GALNTL6: variants seen among roughly 807,000 people sequenced by gnomAD.
The protein encoded by GALNTL6 is polypeptide N-acetylgalactosaminyltransferase-like 6.
In GALNTL6, 46 loss-of-function variants were observed where a neutral mutation model predicts 73.7. The ratio of observed to expected loss-of-function variants is 0.62; its 90% CI spans 0.49 to 0.80. GALNTL6 has a LOEUF of 0.80. Ranked by LOEUF, GALNTL6 falls within the 30% of genes least tolerant of loss-of-function variation. The probability of loss-of-function intolerance (pLI) is 0.00; values close to 1 mark genes in which losing one functional copy is unlikely to be tolerated. For synonymous variants in GALNTL6, 259 were observed against 263.7 expected (o/e 0.98, Z 0.17); for missense variants, 604 against 755.0 (o/e 0.80, Z 2.34).
chr4:173,036,223 T>C (rs1349426982), intron 12 of GALNTL6, among the ~76,000 whole-genome samples: 1 of 151,868 alleles, frequency 6.6e-6, no homozygotes, highest in Non-Finnish European at 1.5e-5. Context: ...TGGAATCACC[T>C]TCCTATATAT....
chr4:172,356,127 A>C (rs1742146186), intron 5 of GALNTL6, among the ~76,000 whole-genome samples: 1 of 152,158 alleles, frequency 6.6e-6, no homozygotes, highest in African/African-American at 2.4e-5. Context: ...GTTACAGCTC[A>C]CCAACGTCAC....
chr4:172,312,472 G>A (rs917751995), intron 4 of GALNTL6, among the ~76,000 whole-genome samples: 1 of 152,108 alleles, frequency 6.6e-6, no homozygotes, highest in East Asian at 1.9e-4. Flanking sequence ...CTGAGAACAT[G>A]GAATGTGATA....
intron 12 of GALNTL6, among the ~76,000 whole-genome samples, chr4:173,032,213 G>C (rs921634975): frequency 2.6e-5 from 4 of 152,214 alleles, no homozygotes; most frequent in African/African-American, 7.2e-5. Context: ...ACTTTGGGAG[G>C]CCGAGGCGGG....
chr4:172,005,034 C>T (rs1327386434), intron 2 of GALNTL6, among the ~76,000 whole-genome samples: 1 of 152,034 alleles, frequency 6.6e-6, no homozygotes, highest in Non-Finnish European at 1.5e-5. Context: ...ACGTGATATG[C>T]CAACCACAAA....
intron 2 of GALNTL6, among the ~76,000 whole-genome samples, chr4:172,091,357 T>C (rs1732197920): frequency 6.6e-6 from 1 of 152,184 alleles, no homozygotes; most frequent in Admixed American, 6.5e-5. Flanking sequence ...AGAATTTGAC[T>C]TGCTCTCAAA....
At chr4:172,202,922 CTTGAGAGGAAAACAATTGAAAAAAA>C (rs1425018179) in intron 2 of GALNTL6, among the ~76,000 whole-genome samples, 3 of 151,524 alleles carry the variant, frequency 2.0e-5, no homozygotes, top group African/African-American at 7.3e-5. Context: ...CAAAATTAGG[CTTGAGAGGAAAACAATTGAAAAAAA>C]TTGAGAGGAA....
chr4:172,450,755 A>G (rs1285398961), intron 5 of GALNTL6, among the ~76,000 whole-genome samples: 1 of 152,192 alleles, frequency 6.6e-6, no homozygotes, highest in Non-Finnish European at 1.5e-5. Context: ...GAGATTTAAC[A>G]CTTGCAGATT....
chr4:172,445,022 A>C (rs1731970862), intron 5 of GALNTL6, among the ~76,000 whole-genome samples: 1 of 152,194 alleles, frequency 6.6e-6, no homozygotes, highest in African/African-American at 2.4e-5. Flanking sequence ...GGGAAAAGCC[A>C]ACAAGTTGAT....
chr4:172,917,334 A>G (rs534677486), intron 8 of GALNTL6, among the ~76,000 whole-genome samples: 18 of 152,340 alleles, frequency 1.2e-4, no homozygotes, highest in African/African-American at 3.6e-4. Context: ...GGACATAGGC[A>G]TGGGCAAGGA....
At chr4:171,881,630 C>G (rs1043406945) in intron 2 of GALNTL6, among the ~76,000 whole-genome samples, 1 of 152,138 alleles carries the variant, frequency 6.6e-6, no homozygotes, top group Non-Finnish European at 1.5e-5. Flanking sequence ...AGCTGACACT[C>G]AGTATTAACC....
In GALNTL6 at chr4:171,899,988, T is replaced by C. The variant is rs966571422; in HGVS notation, c.138+85270T>C. The stretch of plus-strand genomic sequence containing the variant: ...AATATGAATGCTTAAGATGGGAGGA[T>C]CATTTTATTCTTTGACTTCTATTCT... On this transcript the variant is annotated intron_variant, in intron 2 of 12. Transcript: ENST00000506823. 1.6e-4 allele frequency among the ~76,000 whole-genome samples: 24 copies of C among 152,286 alleles called. 1 individual carries two copies. The highest frequency in any genetic ancestry group is 4.1e-4 in the South Asian group (2 of 4,830).
rs112805142 is a variant in GALNTL6, at chr4:172,656,069, C to T, written c.554-153292C>T. Among the ~76,000 whole-genome samples the T allele has an allele frequency of 1.4e-3, 210 of 152,266 alleles. 1 individual carries two copies. The highest frequency in any genetic ancestry group is 2.4e-3 in the Non-Finnish European group (165 of 68,024). ...TTACCTAGCATCAACTGGCTCACTG[C>T]CCAAGGTACACAGAGGCCAATACCA... On this transcript the variant is annotated intron_variant, in intron 5 of 12. Transcript: ENST00000506823.
chr4:172,227,391 A>G (rs1235843583), intron 2 of GALNTL6, among the ~76,000 whole-genome samples: 1 of 152,080 alleles, frequency 6.6e-6, no homozygotes, highest in Non-Finnish European at 1.5e-5. Context: ...CTTATATTTA[A>G]CTGTTTCTGG....
chr4:172,989,984 A>T (rs1456431729), intron 10 of GALNTL6, among the ~76,000 whole-genome samples: 1 of 152,054 alleles, frequency 6.6e-6, no homozygotes, highest in Non-Finnish European at 1.5e-5. Context: ...GATTGGATGA[A>T]TATCTCTCCT....
At chr4:172,061,520 T>C (rs1428647221) in intron 2 of GALNTL6, among the ~76,000 whole-genome samples, 1 of 152,202 alleles carries the variant, frequency 6.6e-6, no homozygotes, top group Non-Finnish European at 1.5e-5. Flanking sequence ...AATGTCTTGT[T>C]GTCACAAGAC....
intron 2 of GALNTL6, among the ~76,000 whole-genome samples, chr4:172,067,709 T>C (rs7655005): frequency 0.94 from 102,080 of 108,744 alleles, 50,053 homozygotes; most frequent in East Asian, 1. Context: ...TTCTATCCTT[T>C]GGTGAGTGAC....
chr4:172,111,755 A>G (rs545894796), intron 2 of GALNTL6, among the ~76,000 whole-genome samples: 79 of 152,022 alleles, frequency 5.2e-4, no homozygotes, highest in African/African-American at 1.8e-3. Flanking sequence ...TTTTTGTAAC[A>G]CTTTATTTTT....
intron 12 of GALNTL6, among the ~76,000 whole-genome samples, chr4:173,029,644 G>C (rs1753376435): frequency 6.6e-6 from 1 of 152,118 alleles, no homozygotes; most frequent in African/African-American, 2.4e-5. Flanking sequence ...CACACACTCA[G>C]CTTCTTAATG....
intron 5 of GALNTL6, among the ~76,000 whole-genome samples, chr4:172,386,628 A>G (rs1163014059): frequency 6.6e-6 from 1 of 152,132 alleles, no homozygotes; most frequent in African/African-American, 2.4e-5. Flanking sequence ...GGCTCAGCCT[A>G]AGTCTGAAAG....
Sources: allele counts gnomAD v4.1 joint callset (sites outside exome capture counted in the v4.1 genomes callset), GRCh38; gene constraint gnomAD v4.1.1; transcripts MANE v1.5; gene names NCBI Gene and HGNC (gene_info 2026-07-23, HGNC 2026-07-21).